The following DLGAP2 variants were observed in gnomAD, a reference collection of about 807,000 sequenced individuals.
The protein encoded by DLGAP2 is disks large-associated protein 2.
In DLGAP2, 26 loss-of-function variants were observed where a neutral mutation model predicts 100.3. That is an observed-to-expected ratio of 0.26 (90% CI 0.19 to 0.36). The LOEUF (loss-of-function observed/expected upper bound fraction) is 0.36. DLGAP2 is among the 10% of genes least tolerant of loss of function. The pLI is 1.00. For missense variants in DLGAP2, 1,858 were observed against 1,453.2 expected (o/e 1.28, Z -4.53); for synonymous variants, 886 against 630.1 (o/e 1.41, Z -6.08).
chr8:880,646 G>A lies in DLGAP2; in HGVS notation c.19-27266G>A, dbSNP rs144288309. 6.3e-3 allele frequency among the ~76,000 whole-genome samples: 935 copies of A among 149,216 alleles called. 5 individuals are homozygous for A. Among genetic ancestry groups the A allele is most frequent in the African/African-American group, 0.022 (869 of 40,010 alleles). ...AGCCCTTGCCTGCGACATGGCATCC[G>A]TGCTGGGGAGACTTTATAGGTGGGT... On this transcript the variant is annotated intron_variant, in intron 1 of 14. Coordinates refer to ENST00000637795, the MANE Select transcript of DLGAP2 (RefSeq NM_001346810.2).
chr8:1,043,055 AGGTGGTGGATGTG>A (rs1454946573), intron 2 of DLGAP2, among the ~76,000 whole-genome samples: 5 of 36,630 alleles, frequency 1.4e-4, no homozygotes, highest in African/African-American at 3.2e-4. Flanking sequence ...TGTGGCTGGC[AGGTGGTGGATGTG>A]GGTGGTGGAT....
chr8:1,256,948 C>T (rs1013721395), intron 2 of DLGAP2, among the ~76,000 whole-genome samples: 1 of 152,066 alleles, frequency 6.6e-6, no homozygotes, highest in Non-Finnish European at 1.5e-5. Context: ...TGGCCTGCCC[C>T]ATTCCTTTCA....
chr8:1,545,437 C>T (rs1262955755), intron 4 of DLGAP2, among the ~76,000 whole-genome samples: 1 of 152,190 alleles, frequency 6.6e-6, no homozygotes, highest in African/African-American at 2.4e-5. Flanking sequence ...GTTGTACGTT[C>T]ATGAATAAAT....
intron 6 of DLGAP2, among the ~76,000 whole-genome samples, chr8:1,613,893 A>G (rs1797064263): frequency 6.6e-6 from 1 of 152,216 alleles, no homozygotes; most frequent in African/African-American, 2.4e-5. Flanking sequence ...ATAAGCCTCA[A>G]AAATGTTGAA....
intron 2 of DLGAP2, among the ~76,000 whole-genome samples, chr8:1,134,777 G>T (rs377378504): frequency 6.6e-6 from 1 of 152,098 alleles, no homozygotes; most frequent in Admixed American, 6.6e-5. Flanking sequence ...GGCGGCAGGC[G>T]AGGGAGAGCA....
chr8:1,382,372 G>A (rs1208491501), intron 3 of DLGAP2, among the ~76,000 whole-genome samples: 1 of 152,214 alleles, frequency 6.6e-6, no homozygotes, highest in Non-Finnish European at 1.5e-5. Flanking sequence ...GAAGATCCCC[G>A]TGTGAGTGGA....
At chr8:850,154 G>T (rs76192114) in intron 1 of DLGAP2, among the ~76,000 whole-genome samples, 2 of 151,788 alleles carry the variant, frequency 1.3e-5, no homozygotes, top group Non-Finnish European at 2.9e-5. Context: ...TGTCAGATGT[G>T]ACATTTGCAG....
At chr8:1,506,336 G>T (rs959531309) in intron 4 of DLGAP2, among the ~76,000 whole-genome samples, 1 of 152,188 alleles carries the variant, frequency 6.6e-6, no homozygotes, top group African/African-American at 2.4e-5. Context: ...GTATTACATT[G>T]TAGGTTCTTG....
At chr8:1,080,361 G>A (rs766426070) in intron 2 of DLGAP2, among the ~76,000 whole-genome samples, 3 of 152,170 alleles carry the variant, frequency 2.0e-5, no homozygotes, top group South Asian at 2.1e-4. Context: ...TGCAGCTGCC[G>A]TCTCTTTAGT....
chr8:1,552,468 A>G (rs1584919372), intron 5 of DLGAP2, among the ~76,000 whole-genome samples: 2 of 152,076 alleles, frequency 1.3e-5, no homozygotes, highest in South Asian at 4.2e-4. Flanking sequence ...GCTGTGTGCA[A>G]CCTCCTCGGG....
intron 2 of DLGAP2, among the ~76,000 whole-genome samples, chr8:1,051,309 G>A (rs1802703793): frequency 6.6e-6 from 1 of 152,138 alleles, no homozygotes; most frequent in Non-Finnish European, 1.5e-5. Context: ...TCACCTGGGA[G>A]GGGCACCGGG....
At chr8:1,158,209 A>C (rs1796827153) in intron 2 of DLGAP2, among the ~76,000 whole-genome samples, 1 of 152,240 alleles carries the variant, frequency 6.6e-6, no homozygotes, top group African/African-American at 2.4e-5. Context: ...TAAGCTATAT[A>C]ATGATTTTGT....
chr8:1,095,644 A>G (rs1320135084), intron 2 of DLGAP2, among the ~76,000 whole-genome samples: 3 of 152,218 alleles, frequency 2.0e-5, no homozygotes, highest in Non-Finnish European at 4.4e-5. Flanking sequence ...ACACACAGTG[A>G]GGACTGGCTG....
At chr8:1,590,031 G>A (rs181915922) in intron 6 of DLGAP2, among the ~76,000 whole-genome samples, 4 of 152,292 alleles carry the variant, frequency 2.6e-5, no homozygotes, top group Admixed American at 2.0e-4. Flanking sequence ...CTCCCTGCAC[G>A]TCTCTAGGGG....
At chr8:1,190,600 A>G (rs1235547485) in intron 2 of DLGAP2, among the ~76,000 whole-genome samples, 2 of 152,158 alleles carry the variant, frequency 1.3e-5, no homozygotes, top group Admixed American at 6.5e-5. Flanking sequence ...ATCAGCATTG[A>G]GAGCCAAAAC....
intron 3 of DLGAP2, among the ~76,000 whole-genome samples, chr8:1,388,801 G>A (rs113165370): frequency 8.0e-6 from 1 of 125,610 alleles, no homozygotes; most frequent in African/African-American, 3.1e-5. Context: ...TCAGGGCTGT[G>A]AGAGGCAGAG....
chr8:1,132,509 G>A (rs1796314708), intron 2 of DLGAP2, among the ~76,000 whole-genome samples: 1 of 152,198 alleles, frequency 6.6e-6, no homozygotes, highest in South Asian at 2.1e-4. Context: ...AAACTCACTG[G>A]TAGTTTTTCT....
At chr8:902,895 GGGTGGAACGTGTGCGGGTGGGCGGGGGC>G (rs1350157372) in intron 1 of DLGAP2, among the ~76,000 whole-genome samples, 14 of 67,358 alleles carry the variant, frequency 2.1e-4, no homozygotes, top group African/African-American at 8.2e-4. Context: ...AGGGGTGGGT[GGGTGGAACGTGTGCGGGTGGGCGGGGGC>G]GGTGGAACGT....
chr8:1,527,197 G>A (rs938745394), intron 4 of DLGAP2, among the ~76,000 whole-genome samples: 1 of 152,226 alleles, frequency 6.6e-6, no homozygotes, highest in African/African-American at 2.4e-5. Flanking sequence ...TGTGCACCTC[G>A]TCCTCTTGTC....
Sources: allele counts gnomAD v4.1 joint callset (sites outside exome capture counted in the v4.1 genomes callset), GRCh38; gene constraint gnomAD v4.1.1; transcripts MANE v1.5; gene names NCBI Gene and HGNC (gene_info 2026-07-23, HGNC 2026-07-21).